The following FSD1L variants were observed in gnomAD, a reference collection of about 807,000 sequenced individuals.
FSD1L encodes the protein fibronectin type III and SPRY domain containing 1 like.
FSD1L carries 45 observed loss-of-function variants against 71.6 expected under a neutral mutation model. The observed-to-expected ratio is 0.63, with a 90% CI of 0.49 to 0.81. The LOEUF (loss-of-function observed/expected upper bound fraction) is 0.81, where lower values mean the gene tolerates loss of function less well. FSD1L is among the 30% of genes least tolerant of loss of function. The probability of loss-of-function intolerance (pLI) is 0.00; values close to 1 mark genes in which losing one functional copy is unlikely to be tolerated. For missense variants in FSD1L, 561 were observed against 618.1 expected, an observed-to-expected ratio of 0.91 and a Z score of 0.98; for synonymous variants, 197 against 207.2, an observed-to-expected ratio of 0.95 and a Z score of 0.42.
chr9:105,463,846 G>C (rs1830881211), intron 2 of FSD1L, among the ~76,000 whole-genome samples: 1 of 152,064 alleles, frequency 6.6e-6, no homozygotes. Flanking sequence ...ATGAATTTGT[G>C]TCTCCTCACT....
chr9:105,466,990 C>G (rs542849484), intron 3 of FSD1L, among the ~76,000 whole-genome samples: 2 of 152,262 alleles, frequency 1.3e-5, no homozygotes, highest in South Asian at 4.2e-4. Flanking sequence ...CAAAAGGCAA[C>G]AAGATGCCAT....
chr9:105,510,586 TC>T (rs1377772171), intron 9 of FSD1L, among the ~76,000 whole-genome samples: 1 of 152,254 alleles, frequency 6.6e-6, no homozygotes. Context: ...TTCATATACT[TC>T]CACTTAAGGT....
intron 10 of FSD1L, chr9:105,524,632 A>C (rs1027436296): frequency 6.2e-7 from 1 of 1,613,844 alleles, no homozygotes; most frequent in African/African-American, 1.3e-5. Flanking sequence ...GCATCTGTAG[A>C]TTATGATCCT....
At chr9:105,490,824 A>G (rs372210403) in intron 7 of FSD1L, among the ~76,000 whole-genome samples, 16 of 122,980 alleles carry the variant, frequency 1.3e-4, no homozygotes, top group African/African-American at 4.7e-4. Context: ...GTAGATATGC[A>G]GCGTTATTTC....
intron 13 of FSD1L, 98 bp from the exon 14 acceptor site, chr9:105,546,260 T>C: frequency 1.9e-6 from 2 of 1,058,800 alleles, no homozygotes; most frequent in Non-Finnish European, 2.7e-6. Flanking sequence ...ATGATTGATG[T>C]TCATATGTGT....
At chr9:105,521,644 G>A (rs897012890) in intron 10 of FSD1L, 2 of 1,613,314 alleles carry the variant, frequency 1.2e-6, no homozygotes, top group Middle Eastern at 1.7e-4. Flanking sequence ...GACCTCCCTT[G>A]CATTGAAAAT....
chr9:105,504,832 A>G (rs1319856097), intron 7 of FSD1L, among the ~76,000 whole-genome samples: 1 of 152,154 alleles, frequency 6.6e-6, no homozygotes, highest in Non-Finnish European at 1.5e-5. Flanking sequence ...TTTTGATCCA[A>G]GGCTGATTGA....
chr9:105,457,432 C>A (rs1226977493), intron 1 of FSD1L, among the ~76,000 whole-genome samples: 1 of 152,146 alleles, frequency 6.6e-6, no homozygotes, highest in Non-Finnish European at 1.5e-5. Context: ...GCTATCATTA[C>A]CCTAGCTGAA....
chr9:105,458,971 G>A (rs2771039), intron 1 of FSD1L, among the ~76,000 whole-genome samples: 36,365 of 152,178 alleles, frequency 0.24, 4,878 homozygotes, highest in Non-Finnish European at 0.31. Context: ...TAGAAAACTC[G>A]TTGAATTATG....
At chr9:105,541,859 G>A (rs2518111) in intron 13 of FSD1L, among the ~76,000 whole-genome samples, 16,546 of 152,168 alleles carry the variant, frequency 0.11, 1,179 homozygotes, top group Admixed American at 0.21. Flanking sequence ...ACCTTTTCCA[G>A]AACATCGTAT....
intron 10 of FSD1L, chr9:105,521,788 C>T (rs545120006): frequency 6.2e-7 from 1 of 1,612,628 alleles, no homozygotes; most frequent in African/African-American, 1.3e-5. Context: ...CATAACACCT[C>T]TGAAGAAGCC....
intron 7 of FSD1L, among the ~76,000 whole-genome samples, chr9:105,502,934 G>C (rs1833852964): frequency 6.6e-6 from 1 of 150,412 alleles, no homozygotes; most frequent in South Asian, 2.1e-4. Flanking sequence ...GCCCAGGCTG[G>C]AGTACAGTGG....
chr9:105,494,535 T>G (rs1323612280), intron 7 of FSD1L, among the ~76,000 whole-genome samples: 1 of 152,236 alleles, frequency 6.6e-6, no homozygotes, highest in African/African-American at 2.4e-5. Context: ...TTTGCTCCAT[T>G]TCTGGTGAGG....
In FSD1L at chr9:105,522,546, C is replaced by T. The variant is rs530531379; in HGVS notation, c.1025+9610C>T. ...TATTGATGATGCTCAAATACTTCCC[C>T]GCTCAACTAGAGTCAGACATTTTTC... is the stretch of plus-strand genomic sequence containing the variant. On this transcript the variant is annotated intron_variant, in intron 10 of 13. Transcript: ENST00000481272. 3.4e-4 allele frequency: 543 copies of T among 1,613,580 alleles called. 2 individuals are homozygous for T. In the African/African-American group the frequency reaches 6.3e-3, roughly 19 times the overall value.
intron 1 of FSD1L, among the ~76,000 whole-genome samples, chr9:105,452,669 G>GCCTGCCTTCCTGCCTT (rs1191519308): frequency 4.2e-5 from 4 of 96,172 alleles, no homozygotes; most frequent in Admixed American, 1.1e-4. Context: ...CTGCCTGCCT[G>GCCTGCCTTCCTGCCTT]CCTTCCTTCC....
At position 105,448,169 on chromosome 9, in the gene FSD1L, C is replaced by T. The variant is rs1047537005; in HGVS notation, c.-52C>T. On this transcript the variant is annotated 5_prime_UTR_variant, in exon 1 of 14. Transcript: ENST00000481272. ...GGGGTGTGCGATCTCGCTGAGCCTC[C>T]TCACACGGTTCGTCGTCTCGGGTTC... 7.8e-6 allele frequency: 12 copies of T among 1,537,372 alleles called. No individual in the cohort carries two copies. Among genetic ancestry groups the T allele is most frequent in the Non-Finnish European group, 1.1e-5 (12 of 1,138,006 alleles).
At chr9:105,480,081 G>A (rs1328658611) in intron 6 of FSD1L, among the ~76,000 whole-genome samples, 1 of 152,170 alleles carries the variant, frequency 6.6e-6, no homozygotes, top group Non-Finnish European at 1.5e-5. Context: ...TGCCTGTCTA[G>A]TCACTGAGTA....
In FSD1L at chr9:105,478,395, A is replaced by G. The variant is rs188277808; in HGVS notation, c.442-959A>G. ...ACAGAAGCATTGCTACATATATCTA[A>G]TTAACATTCAAATAAGTTTAATAAT... is the stretch of plus-strand genomic sequence containing the variant. On this transcript the variant is annotated intron_variant, in intron 5 of 13. Transcript: ENST00000481272. Among the ~76,000 whole-genome samples the G allele has an allele frequency of 1.6e-4, 24 of 152,316 alleles. No homozygotes were observed. The East Asian group carries it at 3.3e-3, about 21-fold the overall frequency.
intron 1 of FSD1L, among the ~76,000 whole-genome samples, chr9:105,461,282 C>A (rs1478378999): frequency 1.3e-5 from 2 of 151,866 alleles, no homozygotes; most frequent in Admixed American, 1.3e-4. Flanking sequence ...GGTTTTTGAG[C>A]ACTTGAAATG....
Sources: gnomAD v4.1 joint callset for allele counts (sites outside exome capture counted in the v4.1 genomes callset) on GRCh38, gnomAD v4.1.1 for gene constraint, MANE v1.5 for transcripts, NCBI Gene and HGNC (gene_info 2026-07-23, HGNC 2026-07-21) for gene names.